SORCS3: variants seen among roughly 807,000 people sequenced by gnomAD.
SORCS3 encodes sortilin related VPS10 domain containing receptor 3.
In SORCS3, 57 loss-of-function variants were observed where a neutral mutation model predicts 146.3. The ratio of observed to expected loss-of-function variants is 0.39; its 90% CI spans 0.31 to 0.49. The LOEUF (loss-of-function observed/expected upper bound fraction) is 0.49, where lower values mean the gene tolerates loss of function less well. SORCS3 is among the 20% of genes least tolerant of loss of function. The pLI is 0.92. For synonymous variants in SORCS3, 653 were observed against 618.5 expected, an observed-to-expected ratio of 1.06 and a Z score of -0.83; for missense variants, 1,341 against 1,575.5, an observed-to-expected ratio of 0.85 and a Z score of 2.52.
At chr10:105,021,609 T>C (rs750742170) in intron 4 of SORCS3, among the ~76,000 whole-genome samples, 105 of 152,328 alleles carry the variant, frequency 6.9e-4, no homozygotes, top group Non-Finnish European at 1.3e-3. Flanking sequence ...ATTGTAATAA[T>C]GTTCCCTGAG....
Position 105,178,136 on chromosome 10 carries a change from G to C in SORCS3, c.1972G>C (p.Ala658Pro). ...FTSVPLFVDGALVEAGMETHI... is the reference protein window; with the variant it reads ...FTSVPLFVDGPLVEAGMETHI... ...TTCGGTTCCTCTCTTTGTTGACGGGGCTCTGGTGGAGGCAGGAATGGAGAC... is the reference window on the plus strand; with the variant it reads ...TTCGGTTCCTCTCTTTGTTGACGGGCCTCTGGTGGAGGCAGGAATGGAGAC... The change falls in exon 14 of 27, where the codon GCT becomes CCT. Residue 658 changes from alanine to proline, a missense_variant. Physicochemically the swap from Ala to Pro is conservative, Grantham distance 27. Coordinates refer to ENST00000369701, the MANE Select transcript of SORCS3 (RefSeq NM_014978.3). 6.2e-7 allele frequency: 1 copy of C among 1,613,610 alleles called. No homozygotes were observed. Among genetic ancestry groups the C allele is most frequent in the Non-Finnish European group, 8.5e-7 (1 of 1,179,768 alleles).
chr10:105,157,106 C>T (rs768843591), intron 9 of SORCS3, 32 bp from the exon 10 acceptor site: 2 of 1,611,610 alleles, frequency 1.2e-6, no homozygotes, highest in Non-Finnish European at 1.7e-6. Flanking sequence ...GTTGGCCCAG[C>T]ATGGTTCTCC....
At chr10:105,010,215 A>G (rs1220268478) in intron 4 of SORCS3, among the ~76,000 whole-genome samples, 1 of 152,228 alleles carries the variant, frequency 6.6e-6, no homozygotes, top group Non-Finnish European at 1.5e-5. Context: ...GCTCATGAAG[A>G]AACATGAAAG....
chr10:105,142,675 C>T (rs1418871), intron 8 of SORCS3, among the ~76,000 whole-genome samples: 44,256 of 152,008 alleles, frequency 0.29, 6,640 homozygotes, highest in Middle Eastern at 0.34. Context: ...CACCTGCACA[C>T]CCTACTTTTC....
intron 3 of SORCS3, among the ~76,000 whole-genome samples, chr10:104,953,665 T>C (rs993705848): frequency 6.6e-6 from 1 of 152,222 alleles, no homozygotes; most frequent in Admixed American, 6.5e-5. Context: ...TTGGGATAGT[T>C]GAGAAAGATG....
intron 1 of SORCS3, among the ~76,000 whole-genome samples, chr10:104,744,444 A>C (rs74155025): frequency 0.019 from 2,833 of 152,338 alleles, 86 homozygotes; most frequent in African/African-American, 0.065. Context: ...ATTAAAGCAC[A>C]GGCCATATGT....
intron 1 of SORCS3, among the ~76,000 whole-genome samples, chr10:104,720,186 C>G (rs1380685231): frequency 6.6e-6 from 1 of 151,144 alleles, no homozygotes; most frequent in Non-Finnish European, 1.5e-5. Flanking sequence ...TCCATGTGTT[C>G]TCATTGTTCA....
At chr10:104,743,868 A>G (rs1477461630) in intron 1 of SORCS3, among the ~76,000 whole-genome samples, 2 of 152,220 alleles carry the variant, frequency 1.3e-5, no homozygotes, top group Admixed American at 1.3e-4. Context: ...TTATTCAGGC[A>G]TCCGCTTAAA....
intron 2 of SORCS3, among the ~76,000 whole-genome samples, chr10:104,891,951 A>G (rs1174758688): frequency 1.3e-5 from 2 of 152,220 alleles, no homozygotes; most frequent in African/African-American, 4.8e-5. Flanking sequence ...AATGAACTTC[A>G]TGGAGTTGCT....
chr10:105,023,909 A>C (rs776302390), intron 4 of SORCS3, among the ~76,000 whole-genome samples: 9 of 152,118 alleles, frequency 5.9e-5, no homozygotes, highest in Non-Finnish European at 1.2e-4. Flanking sequence ...ATAGTATGAA[A>C]TTATCAAACC....
rs541930925 is a variant in SORCS3 at position 104,880,737 on chromosome 10, C to T, written c.696-35096C>T. On this transcript the variant is annotated intron_variant, in intron 2 of 26. Coordinates refer to ENST00000369701, the MANE Select transcript of SORCS3 (RefSeq NM_014978.3). ...CCCTCTATTAGAAACCCTGCTTTCC[C>T]TCATCCTGACCCCCTGCCTTACTCT... is the stretch of plus-strand genomic sequence containing the variant. Among the ~76,000 whole-genome samples, 18 of 152,260 alleles carry T rather than the reference C, an allele frequency of 1.2e-4. No individual in the cohort carries two copies. The South Asian group carries it at 3.5e-3, about 30-fold the overall frequency.
intron 1 of SORCS3, among the ~76,000 whole-genome samples, chr10:104,748,949 T>C (rs567379899): frequency 3.3e-4 from 50 of 152,314 alleles, no homozygotes; most frequent in African/African-American, 1.1e-3. Flanking sequence ...GAATCCAGTT[T>C]TCCCAGCTGT....
chr10:104,762,495 A>G (rs2017132856), intron 1 of SORCS3, among the ~76,000 whole-genome samples: 1 of 152,150 alleles, frequency 6.6e-6, no homozygotes, highest in Admixed American at 6.5e-5. Context: ...CTCTTCAACC[A>G]AAACCTAAGC....
rs2056928767 is a variant in SORCS3, at chr10:105,255,903, TG to T, written c.3337+104del. The T allele has an allele frequency of 4.2e-6, 4 of 959,340 alleles. No homozygotes were observed. In the Admixed American group the frequency reaches 9.6e-5, roughly 23 times the overall value. The allele number at this position is 959,340 out of a possible 1,614,324, so 59.4% of individuals were successfully genotyped here. A position where few individuals can be genotyped will look rare whatever the true frequency, so the allele number is the denominator to read the frequency against. On this transcript the variant is annotated intron_variant, in intron 24 of 26. Coordinates refer to ENST00000369701, the MANE Select transcript of SORCS3 (RefSeq NM_014978.3). ...AACCCTGCTGCATAATGTCTGAAAGTGGCTTTGTAGAAGGGTCCTTTTTGTA... is the reference window on the plus strand; with the variant it reads ...AACCCTGCTGCATAATGTCTGAAAGTGCTTTGTAGAAGGGTCCTTTTTGTA...
chr10:104,684,655 T>C (rs1363126974), intron 1 of SORCS3, among the ~76,000 whole-genome samples: 1 of 152,116 alleles, frequency 6.6e-6, no homozygotes, highest in African/African-American at 2.4e-5. Flanking sequence ...CTTCTGTTCT[T>C]CAGATATCTC....
intron 4 of SORCS3, among the ~76,000 whole-genome samples, chr10:104,995,252 C>T (rs767274645): frequency 1.3e-5 from 2 of 151,354 alleles, no homozygotes; most frequent in Non-Finnish European, 2.9e-5. Context: ...CTTTGCCTCC[C>T]GGGTTCAAGC....
In SORCS3 at chr10:105,091,358, TCCTC is replaced by T. The variant is rs1361116083; in HGVS notation, c.1093+1533_1093+1536del. 6.8e-4 allele frequency among the ~76,000 whole-genome samples: 41 copies of T among 60,508 alleles called. 3 individuals carry two copies. The highest frequency in any genetic ancestry group is 2.4e-3 in the African/African-American group (37 of 15,640). 39.7% of individuals were successfully genotyped at this position (60,508 alleles called of 152,430 possible). On this transcript the variant is annotated intron_variant, in intron 6 of 26. Transcript: ENST00000369701. ...TTCCTTCCTTCGTTCCTTCCTTCCT[TCCTC>T]CCTCCCTCCCTCCTTCCCTCCTTCC...
At chr10:105,217,964 A>G (rs940268362) in intron 19 of SORCS3, 4 of 446,242 alleles carry the variant, frequency 9.0e-6, no homozygotes, top group Non-Finnish European at 1.8e-5. Context: ...AAGAGTTTCC[A>G]GGTAATATGC....
chr10:104,722,669 C>G (rs900602673), intron 1 of SORCS3, among the ~76,000 whole-genome samples: 1 of 152,142 alleles, frequency 6.6e-6, no homozygotes, highest in Non-Finnish European at 1.5e-5. Flanking sequence ...TGTTATTGGT[C>G]TATTCAGAGA....
Sources: gnomAD v4.1 joint callset for allele counts (sites outside exome capture counted in the v4.1 genomes callset) on GRCh38, gnomAD v4.1.1 for gene constraint, MANE v1.5 for transcripts, NCBI Gene and HGNC (gene_info 2026-07-23, HGNC 2026-07-21) for gene names.